SLC6A17: variants seen among roughly 807,000 people sequenced by gnomAD.
SLC6A17 encodes sodium-dependent neutral amino acid transporter SLC6A17.
SLC6A17 carries 21 observed loss-of-function variants against 64.5 expected under a neutral mutation model. The ratio of observed to expected loss-of-function variants is 0.33; its 90% CI spans 0.23 to 0.47. The LOEUF is 0.47. Among genes scored for constraint, SLC6A17 ranks in the 20% least tolerant of loss-of-function variants. SLC6A17 has a pLI of 1.00. For synonymous variants in SLC6A17, 372 were observed against 399.5 expected (o/e 0.93, Z 0.82); for missense variants, 682 against 963.2 (o/e 0.71, Z 3.86).
chr1:110,187,422 C>A (rs542345555), intron 6 of SLC6A17, among the ~76,000 whole-genome samples: 2 of 152,258 alleles, frequency 1.3e-5, no homozygotes, highest in East Asian at 3.9e-4. Flanking sequence ...GAGCAGTTGA[C>A]CACATTTGAT....
intron 3 of SLC6A17, chr1:110,172,572 C>T (rs1269850020): frequency 5.6e-6 from 1 of 179,896 alleles, no homozygotes. Flanking sequence ...CCTCAGCTCC[C>T]CATGAGGGAG....
At position 110,194,626 on chromosome 1, in the gene SLC6A17, G is replaced by A; in HGVS notation, c.1347G>A (p.Met449Ile). 6.2e-7 allele frequency: 1 copy of A among 1,614,186 alleles called. No homozygotes were observed. The highest frequency in any genetic ancestry group is 8.5e-7 in the Non-Finnish European group (1 of 1,180,052). Reference sequence around the variant, plus strand: ...CCTTCATCGCCTTCACTGAGGCCATGACGCACTTCCCCGCCTCCCCGTTCT... The same window carrying A: ...CCTTCATCGCCTTCACTGAGGCCATAACGCACTTCCCCGCCTCCCCGTTCT... ...GLAFIAFTEAMTHFPASPFWS... is the reference protein window; with the variant it reads ...GLAFIAFTEAITHFPASPFWS... Residue 449 changes from methionine to isoleucine, a missense_variant, in exon 9 of 12, where the codon ATG (methionine) becomes ATA (isoleucine). Met to Ile is a conservative substitution (Grantham distance 10). Coordinates refer to ENST00000331565, the MANE Select transcript of SLC6A17 (RefSeq NM_001010898.4).
chr1:110,187,357 G>A (rs1656712727), intron 6 of SLC6A17, among the ~76,000 whole-genome samples: 1 of 152,228 alleles, frequency 6.6e-6, no homozygotes, highest in Non-Finnish European at 1.5e-5. Flanking sequence ...GAAGTGAGGT[G>A]CAGAAACAGC....
rs144616756 is a variant in SLC6A17 at position 110,182,391 on chromosome 1, A to G, written c.864+5652A>G. On this transcript the variant is annotated intron_variant, in intron 6 of 11. Transcript: ENST00000331565. ...CTTAAAATATCTAATAGATCTCCAC[A>G]TGGAGATGCTGAGGAGGCAGTTGGA... 2.6e-4 allele frequency among the ~76,000 whole-genome samples: 39 copies of G among 152,230 alleles called. No homozygotes were observed. The East Asian group carries it at 7.1e-3, about 28-fold the overall frequency.
intron 5 of SLC6A17, 48 bp downstream of exon 5, chr1:110,175,008 A>C (rs758042488): frequency 7.0e-6 from 11 of 1,579,632 alleles, no homozygotes; most frequent in Middle Eastern, 1.9e-4. Flanking sequence ...AACAGCAGAA[A>C]GGCACAGAGG....
intron 6 of SLC6A17, among the ~76,000 whole-genome samples, chr1:110,177,261 T>C (rs533771918): frequency 6.6e-6 from 1 of 152,328 alleles, no homozygotes; most frequent in Admixed American, 6.5e-5. Flanking sequence ...GTTACTATTT[T>C]ATTAAAGATA....
At position 110,197,520 on chromosome 1, in the gene SLC6A17, G is replaced by A. The variant is rs768495410; in HGVS notation, c.1736G>A (p.Cys579Tyr). 5 of 1,613,750 alleles carry A rather than the reference G, an allele frequency of 3.1e-6. No homozygotes were observed. Among genetic ancestry groups the A allele is most frequent in the Non-Finnish European group, 4.2e-6 (5 of 1,179,946 alleles). The change falls in exon 11 of 12, where the codon TGC becomes TAC. Residue 579 changes from cysteine (C) to tyrosine (Y), a missense_variant. By Grantham distance (194) the Cys-to-Tyr change is radical. Transcript: ENST00000331565. Reference sequence around the variant, plus strand: ...ATGTGGAAGTTCGTGTCTCCACTATGCATGGCTGTGCTCACCACAGCCAGC... The same window carrying A: ...ATGTGGAAGTTCGTGTCTCCACTATACATGGCTGTGCTCACCACAGCCAGC... ...FYMWKFVSPL[C>Y]MAVLTTASII...
At chr1:110,172,985 C>T (rs1656282218) in intron 3 of SLC6A17, among the ~76,000 whole-genome samples, 1 of 152,264 alleles carries the variant, frequency 6.6e-6, no homozygotes, top group Admixed American at 6.5e-5. Context: ...GTAGGGCCAG[C>T]CCAAACTTGC....
At chr1:110,172,478 C>A (rs1399019445) in intron 3 of SLC6A17, 3 of 449,764 alleles carry the variant, frequency 6.7e-6, no homozygotes, top group African/African-American at 2.0e-5. Context: ...GGGACATATT[C>A]ACATGGGGCC....
chr1:110,178,599 T>G (rs1186286455), intron 6 of SLC6A17: 1 of 153,452 alleles, frequency 6.5e-6, no homozygotes, highest in African/African-American at 2.4e-5. Flanking sequence ...ACTGGATAAT[T>G]TATAAACAAT....
chr1:110,182,217 G>A (rs1450229284), intron 6 of SLC6A17, among the ~76,000 whole-genome samples: 1 of 152,186 alleles, frequency 6.6e-6, no homozygotes, highest in Non-Finnish European at 1.5e-5. Context: ...TGGTTGTGAG[G>A]TGTAAGAGGA....
At chr1:110,156,947 C>A (rs1006032114) in intron 1 of SLC6A17, among the ~76,000 whole-genome samples, 1 of 152,212 alleles carries the variant, frequency 6.6e-6, no homozygotes, top group Admixed American at 6.5e-5. Context: ...AAATCCAGGT[C>A]AGATTATTTT....
intron 2 of SLC6A17, among the ~76,000 whole-genome samples, chr1:110,171,122 G>T (rs183745464): frequency 1.1e-3 from 175 of 152,290 alleles, no homozygotes; most frequent in African/African-American, 4.1e-3. Context: ...ATGTTATGGG[G>T]GCAGAGCAGT....
At position 110,176,737 on chromosome 1, in the gene SLC6A17, A is replaced by C. The variant is rs745500023; in HGVS notation, c.862A>C (p.Lys288Gln). 5 of 1,612,670 alleles carry C rather than the reference A, an allele frequency of 3.1e-6. No individual in the cohort carries two copies. The highest frequency in any genetic ancestry group is 4.2e-6 in the Non-Finnish European group (5 of 1,179,120). The part of the protein sequence containing the change: ...VDGILHMFTP[K>Q]LDKMLDPQVW... ...TGGCATCCTACACATGTTCACTCCC[A>C]AGGTAAGGGTTTGGGGCTCCCACAT... is the stretch of plus-strand genomic sequence containing the variant. Residue 288 changes from lysine (K) to glutamine (Q), a missense_variant and splice_region_variant, in exon 6 of 12, where the codon AAG (lysine) becomes CAG (glutamine). By Grantham distance (53) the Lys-to-Gln change is moderately conservative (BLOSUM62 1). Transcript: ENST00000331565.
intron 8 of SLC6A17, 125 bp from the exon 9 acceptor site, chr1:110,194,454 G>A (rs1656908008): frequency 2.0e-6 from 2 of 1,001,114 alleles, no homozygotes; most frequent in Non-Finnish European, 1.5e-6. Context: ...GGATTTAGGT[G>A]GAGGTGGGAA....
rs908122418 is a variant in SLC6A17 at position 110,172,361 on chromosome 1, C to T, written c.444+144C>T. The stretch of plus-strand genomic sequence containing the variant: ...GGATCCTCAACATGGGAATTACTCA[C>T]AGCTGGGGTTCCAGGACCCCAGTCA... On this transcript the variant is annotated intron_variant, in intron 3 of 11. Coordinates refer to ENST00000331565, the MANE Select transcript of SLC6A17 (RefSeq NM_001010898.4). 1.0e-5 allele frequency: 11 copies of T among 1,091,396 alleles called. No homozygotes were observed. The African/African-American group carries it at 1.7e-4, about 17-fold the overall frequency. The allele number at this position is 1,091,396 out of a possible 1,614,324, so 67.6% of individuals were successfully genotyped here. A position where few individuals can be genotyped will look rare whatever the true frequency, so the allele number is the denominator to read the frequency against.
intron 6 of SLC6A17, among the ~76,000 whole-genome samples, chr1:110,185,962 G>T (rs4839224): frequency 0.12 from 17,561 of 152,088 alleles, 1,204 homozygotes; most frequent in South Asian, 0.31. Flanking sequence ...CTCCTCAAAG[G>T]TCAAGTTCAC....
At chr1:110,154,225 T>C (rs1655691727) in intron 1 of SLC6A17, among the ~76,000 whole-genome samples, 1 of 152,210 alleles carries the variant, frequency 6.6e-6, no homozygotes, top group Non-Finnish European at 1.5e-5. Context: ...CTATCTCCAG[T>C]TTACAGATTG....
intron 1 of SLC6A17, among the ~76,000 whole-genome samples, chr1:110,152,074 G>C (rs1245085338): frequency 6.6e-6 from 1 of 152,184 alleles, no homozygotes; most frequent in East Asian, 1.9e-4. Flanking sequence ...CTGATGTCTG[G>C]AGAACAAGGT....
Sources: gnomAD v4.1 joint callset for allele counts (sites outside exome capture counted in the v4.1 genomes callset) on GRCh38, gnomAD v4.1.1 for gene constraint, MANE v1.5 for transcripts, NCBI Gene and HGNC (gene_info 2026-07-23, HGNC 2026-07-21) for gene names.